The following SYT1 variants were observed in gnomAD, a reference collection of about 807,000 sequenced individuals.
The protein encoded by SYT1 is synaptotagmin 1, also known as synaptotagmin-1.
SYT1 carries 8 observed loss-of-function variants against 44.8 expected under a neutral mutation model. That is an observed-to-expected ratio of 0.18 (90% confidence interval 0.10 to 0.32). The LOEUF (loss-of-function observed/expected upper bound fraction) is 0.32. Among genes scored for constraint, SYT1 ranks in the 10% least tolerant of loss-of-function variants. The probability of loss-of-function intolerance (pLI) is 1.00; values close to 1 mark genes in which losing one functional copy is unlikely to be tolerated. For missense variants in SYT1, 286 were observed against 509.3 expected (o/e 0.56, Z 4.22); for synonymous variants, 154 against 188.8 (o/e 0.82, Z 1.51).
chr12:79,395,979 C>T (rs772576041), intron 9 of SYT1, among the ~76,000 whole-genome samples: 1 of 152,098 alleles, frequency 6.6e-6, no homozygotes, highest in Non-Finnish European at 1.5e-5. Flanking sequence ...ACTATGGCTG[C>T]AATATACCCA....
intron 3 of SYT1, among the ~76,000 whole-genome samples, chr12:79,174,486 G>A (rs1245869536): frequency 6.6e-6 from 1 of 151,990 alleles, no homozygotes; most frequent in African/African-American, 2.4e-5. Flanking sequence ...CCTTGAAAAA[G>A]ATTTGAGAAT....
intron 3 of SYT1, among the ~76,000 whole-genome samples, chr12:79,122,062 A>G (rs188721672): frequency 2.0e-4 from 31 of 152,348 alleles, no homozygotes; most frequent in African/African-American, 6.7e-4. Flanking sequence ...TCTTCTGTTT[A>G]TCATATTTCC....
At chr12:79,051,808 T>G (rs1165315118) in intron 3 of SYT1, among the ~76,000 whole-genome samples, 5 of 152,092 alleles carry the variant, frequency 3.3e-5, no homozygotes, top group Admixed American at 2.0e-4. Context: ...TGCTTGTTTT[T>G]GTCAGGTTTG....
chr12:79,062,590 AT>A (rs2137850707), intron 3 of SYT1, among the ~76,000 whole-genome samples: 1 of 152,180 alleles, frequency 6.6e-6, no homozygotes, highest in South Asian at 2.1e-4. Context: ...TGCACTTCTT[AT>A]TCTTTAAAAG....
At chr12:79,038,205 A>G (rs1039222338) in intron 2 of SYT1, among the ~76,000 whole-genome samples, 13 of 150,998 alleles carry the variant, frequency 8.6e-5, no homozygotes, top group African/African-American at 2.4e-4. Flanking sequence ...ATACACATAT[A>G]TATACACACA....
chr12:78,909,357 AATTT>A (rs1876176962), intron 1 of SYT1, among the ~76,000 whole-genome samples: 1 of 151,906 alleles, frequency 6.6e-6, no homozygotes, highest in Non-Finnish European at 1.5e-5. Flanking sequence ...GTAGAAAAAT[AATTT>A]ATTTTTTTTC....
chr12:79,039,105 C>G (rs1018825385), intron 2 of SYT1, among the ~76,000 whole-genome samples: 1 of 151,892 alleles, frequency 6.6e-6, no homozygotes, highest in African/African-American at 2.4e-5. Context: ...TGTAAATAGA[C>G]TATGGTTAGG....
At chr12:79,326,573 T>C (rs551519249) in intron 8 of SYT1, among the ~76,000 whole-genome samples, 6 of 152,342 alleles carry the variant, frequency 3.9e-5, no homozygotes, top group African/African-American at 1.4e-4. Context: ...TAGAGAAAAA[T>C]AGAGATGTTT....
intron 2 of SYT1, among the ~76,000 whole-genome samples, chr12:79,044,366 T>A (rs1873836606): frequency 6.6e-6 from 1 of 152,112 alleles, no homozygotes; most frequent in Non-Finnish European, 1.5e-5. Context: ...TCTCGCTTCA[T>A]TTCATTCATT....
chr12:79,227,125 G>A (rs1486762690), intron 4 of SYT1, among the ~76,000 whole-genome samples: 1 of 152,086 alleles, frequency 6.6e-6, no homozygotes, highest in African/African-American at 2.4e-5. Flanking sequence ...CAAGGAGTGT[G>A]CATGTCATTA....
intron 3 of SYT1, among the ~76,000 whole-genome samples, chr12:79,203,738 G>A (rs1441339597): frequency 1.2e-4 from 19 of 152,182 alleles, no homozygotes; most frequent in African/African-American, 2.4e-5. Context: ...TTATTTTTTC[G>A]TAGATTGTAG....
intron 9 of SYT1, among the ~76,000 whole-genome samples, chr12:79,404,739 T>C (rs1023515360): frequency 6.6e-6 from 1 of 152,198 alleles, no homozygotes; most frequent in Non-Finnish European, 1.5e-5. Flanking sequence ...TAATTACTTA[T>C]GTAAATTATA....
intron 3 of SYT1, among the ~76,000 whole-genome samples, chr12:79,156,126 G>C (rs1463685785): frequency 6.6e-6 from 1 of 152,152 alleles, no homozygotes; most frequent in Non-Finnish European, 1.5e-5. Context: ...GACAAGATGA[G>C]TATTATTATT....
rs565370026 is a variant in SYT1, at chr12:79,107,997, T to C, written c.-18+60635T>C. ...TAAATTTAGAGATTTAATGCAATCT[T>C]CAGCAAATTACTAGAATATTGTTAA... On this transcript the variant is annotated intron_variant, in intron 3 of 10. Coordinates refer to ENST00000261205, the MANE Select transcript of SYT1 (RefSeq NM_005639.3). 3.3e-5 allele frequency among the ~76,000 whole-genome samples: 5 copies of C among 152,164 alleles called. No homozygotes were observed. The South Asian group carries it at 1.0e-3, about 32-fold the overall frequency.
At chr12:79,258,716 C>A (rs1877668669) in intron 4 of SYT1, among the ~76,000 whole-genome samples, 1 of 151,986 alleles carries the variant, frequency 6.6e-6, no homozygotes, top group Non-Finnish European at 1.5e-5. Flanking sequence ...TAGAGGTTAC[C>A]CCTTAGGAAG....
rs144066154 is a variant in SYT1, at chr12:78,962,961, A to T, written c.-216-14838A>T. ...CTTCATACCAATTGAACAACTCCCC[A>T]GTTCCCCTTGCCCCTAGTCTCGGGC... On this transcript the variant is annotated intron_variant, in intron 1 of 10. Coordinates refer to ENST00000261205, the MANE Select transcript of SYT1 (RefSeq NM_005639.3). Among the ~76,000 whole-genome samples the T allele has an allele frequency of 5.8e-3, 883 of 152,208 alleles. 8 individuals are homozygous for T. Among genetic ancestry groups the T allele is most frequent in the African/African-American group, 0.02 (844 of 41,552 alleles).
chr12:79,398,178 C>T (rs1884942690), intron 9 of SYT1, among the ~76,000 whole-genome samples: 1 of 152,114 alleles, frequency 6.6e-6, no homozygotes, highest in African/African-American at 2.4e-5. Context: ...GGTAGGAGGG[C>T]TCTTGCTGTA....
chr12:79,291,664 T>G (rs1879588120), intron 5 of SYT1: 2 of 414,378 alleles, frequency 4.8e-6, no homozygotes, highest in Non-Finnish European at 9.6e-6. Context: ...TTGGCCTGGT[T>G]AGTAGCATGT....
At chr12:79,028,406 TAAAG>T (rs1872651422) in intron 2 of SYT1, among the ~76,000 whole-genome samples, 1 of 151,364 alleles carries the variant, frequency 6.6e-6, no homozygotes, top group South Asian at 2.1e-4. Flanking sequence ...AACACAGAAA[TAAAG>T]GAATATTGAT....
Sources: allele counts gnomAD v4.1 joint callset (sites outside exome capture counted in the v4.1 genomes callset), GRCh38; gene constraint gnomAD v4.1.1; transcripts MANE v1.5; gene names NCBI Gene and HGNC (gene_info 2026-07-23, HGNC 2026-07-21).